ATP2C2: variants seen among roughly 807,000 people sequenced by gnomAD.
ATP2C2 encodes ATPase secretory pathway Ca2+ transporting 2.
A neutral mutation model predicts 110.8 loss-of-function variants in ATP2C2; 171 were observed. The observed-to-expected ratio is 1.54, with a 90% CI of 1.36 to 1.75. The LOEUF (loss-of-function observed/expected upper bound fraction) is 1.75. Ranked by LOEUF, ATP2C2 falls within the 40% of genes most tolerant of loss-of-function variation. The pLI is 0.00. For synonymous variants in ATP2C2, 804 were observed against 508.4 expected (o/e 1.58, Z -7.82); for missense variants, 1,963 against 1,235.0 (o/e 1.59, Z -8.84).
At chr16:84,441,504 C>T (rs1304261429) in intron 14 of ATP2C2, among the ~76,000 whole-genome samples, 2 of 152,192 alleles carry the variant, frequency 1.3e-5, no homozygotes, top group South Asian at 4.1e-4. Flanking sequence ...GGGGCTCCCT[C>T]CTCCCCATGT....
At chr16:84,453,088 G>C in intron 18 of ATP2C2, 50 bp from the exon 19 acceptor site, 1 of 1,544,202 alleles carries the variant, frequency 6.5e-7, no homozygotes, top group African/African-American at 1.4e-5. Flanking sequence ...GGGAGTGAGG[G>C]GTGGGGACGC....
chr16:84,412,457 T>C (rs1906439123), intron 6 of ATP2C2, among the ~76,000 whole-genome samples: 1 of 149,798 alleles, frequency 6.7e-6, no homozygotes, highest in African/African-American at 2.5e-5. Flanking sequence ...TGTGTCTGTG[T>C]CTCCGTGTGT....
chr16:84,414,766 T>C (rs573370231), intron 6 of ATP2C2, among the ~76,000 whole-genome samples: 1 of 152,144 alleles, frequency 6.6e-6, no homozygotes, highest in Non-Finnish European at 1.5e-5. Context: ...GGGGGCTGGA[T>C]GGAATGAGAT....
intron 11 of ATP2C2, among the ~76,000 whole-genome samples, chr16:84,434,900 C>T (rs1268710846): frequency 3.9e-5 from 6 of 152,184 alleles, no homozygotes; most frequent in Non-Finnish European, 8.8e-5. Flanking sequence ...CTTCCCCTGC[C>T]ATATGGGATG....
Position 84,453,424 on chromosome 16 carries a change from A to T in ATP2C2, c.1980+53A>T, listed in dbSNP as rs1910500933. ...GCGCTGCTGGGGCCGGGCCAGAGACACTGTGGCTCGAGGAGCTCATGCGTC... is the reference window on the plus strand; with the variant it reads ...GCGCTGCTGGGGCCGGGCCAGAGACTCTGTGGCTCGAGGAGCTCATGCGTC... On this transcript the variant is annotated intron_variant, in intron 20 of 26. Transcript: ENST00000262429. The T allele has an allele frequency of 2.5e-6, 4 of 1,605,710 alleles. No individual in the cohort carries two copies. In the East Asian group the frequency reaches 8.9e-5, roughly 36 times the overall value.
chr16:84,415,659 A>G, intron 7 of ATP2C2, 68 bp downstream of exon 7: 2 of 1,287,542 alleles, frequency 1.6e-6, no homozygotes, highest in Non-Finnish European at 2.2e-6. Context: ...ACACTTAGCT[A>G]ATTGTAGGCA....
intron 4 of ATP2C2, among the ~76,000 whole-genome samples, chr16:84,409,158 A>G (rs575540610): frequency 4.6e-5 from 7 of 152,150 alleles, no homozygotes; most frequent in Non-Finnish European, 1.0e-4. Flanking sequence ...AGGGACATGG[A>G]TGAAGCTGGA....
intron 1 of ATP2C2, among the ~76,000 whole-genome samples, chr16:84,383,366 G>C (rs1910697153): frequency 6.6e-6 from 1 of 152,204 alleles, no homozygotes; most frequent in South Asian, 2.1e-4. Flanking sequence ...CAACAAAATG[G>C]GCACAGCGCC....
intron 4 of ATP2C2, among the ~76,000 whole-genome samples, chr16:84,409,210 A>C (rs746558495): frequency 2.1e-4 from 32 of 152,282 alleles, no homozygotes; most frequent in Non-Finnish European, 3.5e-4. Flanking sequence ...CAGAAAACTA[A>C]ACACTGCATG....
At chr16:84,414,305 C>T (rs1436664099) in intron 6 of ATP2C2, among the ~76,000 whole-genome samples, 2 of 152,128 alleles carry the variant, frequency 1.3e-5, no homozygotes, top group African/African-American at 4.8e-5. Flanking sequence ...TTAGTTAATT[C>T]AGGAGAGCAC....
At position 84,439,609 on chromosome 16, in the gene ATP2C2, G is replaced by C. The variant is rs1909063768; in HGVS notation, c.1209+85G>C. On this transcript the variant is annotated intron_variant, in intron 13 of 26. Transcript: ENST00000262429. The stretch of plus-strand genomic sequence containing the variant: ...TAAACTAAGCACACAATGTCTTCTA[G>C]AACACAATAAGGAAGAAATAAATTG... 3.2e-6 allele frequency: 4 copies of C among 1,264,084 alleles called. No homozygotes were observed. The Admixed American group carries it at 5.1e-5, about 16-fold the overall frequency. 78.3% of individuals were successfully genotyped at this position (1,264,084 alleles called of 1,614,324 possible).
chr16:84,451,162 G>A (rs1177416274), intron 17 of ATP2C2, among the ~76,000 whole-genome samples: 1 of 152,112 alleles, frequency 6.6e-6, no homozygotes, highest in East Asian at 1.9e-4. Flanking sequence ...ATGGCAGCCG[G>A]CAAGAGAGAA....
chr16:84,444,890 C>G (rs1030117907), intron 15 of ATP2C2, among the ~76,000 whole-genome samples: 10 of 152,330 alleles, frequency 6.6e-5, no homozygotes, highest in African/African-American at 2.4e-4. Flanking sequence ...CTCACCTGCT[C>G]TAAATGGCAC....
chr16:84,430,137 C>T (rs114071841), intron 11 of ATP2C2, among the ~76,000 whole-genome samples: 103 of 152,300 alleles, frequency 6.8e-4, no homozygotes, highest in African/African-American at 2.4e-3. Flanking sequence ...GTCACATTCA[C>T]GTGTACCAGG....
chr16:84,461,355 C>T (rs1242869699), intron 24 of ATP2C2: 2 of 367,424 alleles, frequency 5.4e-6, no homozygotes, highest in Non-Finnish European at 1.0e-5. Flanking sequence ...TCCAGCTCTC[C>T]CTCTACTACT....
intron 16 of ATP2C2, among the ~76,000 whole-genome samples, chr16:84,447,760 TATAAATAATATAATGTAATATAATAC>T (rs1567733695): frequency 1.4e-5 from 2 of 140,526 alleles, no homozygotes; most frequent in Non-Finnish European, 3.0e-5. Context: ...ATAATATACA[TATAAATAATATAATGTAATATAATAC>T]ATATAAATAA....
At chr16:84,442,943 C>G (rs988751731) in intron 15 of ATP2C2, among the ~76,000 whole-genome samples, 3 of 152,136 alleles carry the variant, frequency 2.0e-5, no homozygotes, top group African/African-American at 4.8e-5. Flanking sequence ...CACCGAGGCA[C>G]CACTGGGAGG....
intron 1 of ATP2C2, among the ~76,000 whole-genome samples, chr16:84,395,192 G>C (rs1246624026): frequency 6.6e-6 from 1 of 152,050 alleles, no homozygotes; most frequent in Admixed American, 6.5e-5. Flanking sequence ...GTCGGAGGCT[G>C]GGTCCTCTCT....
intron 7 of ATP2C2, among the ~76,000 whole-genome samples, chr16:84,420,840 C>G (rs1477167462): frequency 6.6e-6 from 1 of 152,190 alleles, no homozygotes; most frequent in Non-Finnish European, 1.5e-5. Flanking sequence ...GAGTCTCTCT[C>G]TGTCACCCAG....
Sources: allele counts gnomAD v4.1 joint callset (sites outside exome capture counted in the v4.1 genomes callset), GRCh38; gene constraint gnomAD v4.1.1; transcripts MANE v1.5; gene names NCBI Gene and HGNC (gene_info 2026-07-23, HGNC 2026-07-21).